Variants in RAP1GAP2 observed in about 807,000 individuals in gnomAD.
The protein encoded by RAP1GAP2 is RAP1 GTPase activating protein 2.
A neutral mutation model predicts 95.0 loss-of-function variants in RAP1GAP2; 27 were observed. That is an observed-to-expected ratio of 0.28 (90% CI 0.21 to 0.39). The LOEUF (loss-of-function observed/expected upper bound fraction) is 0.39, where lower values mean the gene tolerates loss of function less well. Among genes scored for constraint, RAP1GAP2 ranks in the 10% least tolerant of loss-of-function variants. The pLI, the probability that RAP1GAP2 is intolerant of heterozygous loss-of-function variation, is 1.00. For synonymous variants in RAP1GAP2, 373 were observed against 380.9 expected (o/e 0.98, Z 0.24); for missense variants, 771 against 970.0 (o/e 0.79, Z 2.72).
intron 2 of RAP1GAP2, among the ~76,000 whole-genome samples, chr17:2,834,124 AG>A (rs1234814201): frequency 2.0e-5 from 3 of 152,116 alleles, no homozygotes; most frequent in Non-Finnish European, 4.4e-5. Context: ...AGCCCTCCAG[AG>A]GGCTTTACTG....
At chr17:2,921,240 C>T (rs2042759046) in intron 3 of RAP1GAP2, among the ~76,000 whole-genome samples, 1 of 151,872 alleles carries the variant, frequency 6.6e-6, no homozygotes, top group Non-Finnish European at 1.5e-5. Context: ...CACTCTGTCA[C>T]CCAGGCTGAA....
exon 2 of RAP1GAP2, chr17:2,770,346 G>A (rs989756681): frequency 7.5e-6 from 3 of 398,550 alleles, no homozygotes; most frequent in African/African-American, 4.1e-5. Context: ...CAGGAAGGGC[G>A]GTTCCGAATC....
intron 3 of RAP1GAP2, among the ~76,000 whole-genome samples, chr17:2,940,786 C>T (rs1567801931): frequency 1.3e-5 from 2 of 152,210 alleles, no homozygotes; most frequent in South Asian, 2.1e-4. Flanking sequence ...TCGTCTTTCC[C>T]CTGCCTGCTG....
At chr17:2,764,987 C>T (rs11653568) in intron 1 of RAP1GAP2, among the ~76,000 whole-genome samples, 16,703 of 152,046 alleles carry the variant, frequency 0.11, 963 homozygotes, top group African/African-American at 0.14. Context: ...CACTCATGCT[C>T]AGAATAGGAT....
chr17:3,027,447 T>G lies in RAP1GAP2; in HGVS notation c.2107+377T>G, dbSNP rs1406565470. 6.6e-6 allele frequency among the ~76,000 whole-genome samples: 1 copy of G among 151,932 alleles called. No homozygotes were observed. The highest frequency in any genetic ancestry group is 1.5e-5 in the Non-Finnish European group (1 of 67,974). ...GGGCTGCCAGGGCCCGTCTGTCATG[T>G]CGGGGGTCTTGATAATACAAGACGG... On this transcript the variant is annotated intron_variant, in intron 22 of 24. Transcript: ENST00000254695. The surrounding 1 kb of genome is among the most constrained non-coding windows in gnomAD (Gnocchi z 5.2).
At chr17:2,919,381 C>G (rs566516461) in intron 3 of RAP1GAP2, among the ~76,000 whole-genome samples, 1 of 152,186 alleles carries the variant, frequency 6.6e-6, no homozygotes, top group African/African-American at 2.4e-5. Context: ...TAGACTGAGT[C>G]GAGACTTGGA....
Position 3,027,054 on chromosome 17 carries a change from G to C in RAP1GAP2, c.2091G>C (p.Met697Ile). ...GGGCAGCTGCCACCCCGATCATCAT[G>C]AGCCGGAGTCCCACAGGTCAGTGGC... ...SLGAAATPII[M>I]SRSPTDAKSR... The change falls in exon 22 of 25, where the codon ATG becomes ATC. Residue 697 changes from methionine to isoleucine, a missense_variant. Transcript: ENST00000254695. This position sits in a 1 kb window ranked among gnomAD's most constrained non-coding sequence, Gnocchi z 5.2. 4 of 1,579,306 alleles carry C rather than the reference G, an allele frequency of 2.5e-6. No individual in the cohort carries two copies. The highest frequency in any genetic ancestry group is 3.4e-6 in the Non-Finnish European group (4 of 1,162,974).
chr17:2,962,601 G>A, intron 4 of RAP1GAP2, 69 bp from the exon 5 acceptor site: 1 of 1,468,256 alleles, frequency 6.8e-7, no homozygotes, highest in Admixed American at 2.1e-5. Flanking sequence ...GTAAGGCCAG[G>A]TGCTCTTTAT....
intron 3 of RAP1GAP2, among the ~76,000 whole-genome samples, chr17:2,938,706 G>A (rs906963960): frequency 6.6e-5 from 10 of 152,096 alleles, no homozygotes; most frequent in African/African-American, 1.9e-4. Context: ...TAAATATCTG[G>A]CTGGGTGCGG....
rs946142250 is a variant in RAP1GAP2, at chr17:3,004,949, G to A, written c.1201-420G>A. ...TCTGTTCCTCTGCGGCTAATCACCT[G>A]TGGGACTTGGGGGCTTCTCTGTGTG... On this transcript the variant is annotated intron_variant, in intron 14 of 24. Transcript: ENST00000254695. The surrounding 1 kb of genome is among the most constrained non-coding windows in gnomAD (Gnocchi z 4.1). 1.3e-5 allele frequency among the ~76,000 whole-genome samples: 2 copies of A among 152,192 alleles called. No homozygotes were observed. The highest frequency in any genetic ancestry group is 4.8e-5 in the African/African-American group (2 of 41,448).
At chr17:2,840,135 G>T (rs2071307684) in intron 2 of RAP1GAP2, among the ~76,000 whole-genome samples, 1 of 151,884 alleles carries the variant, frequency 6.6e-6, no homozygotes, top group Non-Finnish European at 1.5e-5. Flanking sequence ...TGTCTCCATT[G>T]TAAAGTTATT....
At chr17:2,975,219 A>G (rs2045059023) in intron 8 of RAP1GAP2, among the ~76,000 whole-genome samples, 1 of 151,478 alleles carries the variant, frequency 6.6e-6, no homozygotes, top group Non-Finnish European at 1.5e-5. Context: ...TGACAGAGCA[A>G]GACTGCGTCT....
intron 1 of RAP1GAP2, among the ~76,000 whole-genome samples, chr17:2,768,534 A>ATTAGCTGGGCATGCCC (rs1321947983): frequency 6.6e-6 from 1 of 152,038 alleles, no homozygotes; most frequent in Non-Finnish European, 1.5e-5. Flanking sequence ...TCTACTAAAA[A>ATTAGCTGGGCATGCCC]TACAAAAATT....
rs1016277894 is a variant in RAP1GAP2, at chr17:2,965,372, C to T, written c.493-168C>T. The T allele has an allele frequency of 1.6e-6, 1 of 618,100 alleles. No individual in the cohort carries two copies. The highest frequency in any genetic ancestry group is 2.9e-6 in the Non-Finnish European group (1 of 349,716). The allele number at this position is 618,100 out of a possible 1,614,324, so 38.3% of individuals were successfully genotyped here. A position where few individuals can be genotyped will look rare whatever the true frequency, so the allele number is the denominator to read the frequency against. ...CCCCTGGCACGGTGCCTGGCGCCTC[C>T]TGAGGATCCGGCCGTCGGTACCTGT... is the stretch of plus-strand genomic sequence containing the variant. On this transcript the variant is annotated intron_variant, in intron 7 of 24. Coordinates refer to ENST00000254695, the MANE Select transcript of RAP1GAP2 (RefSeq NM_015085.5). This position sits in a 1 kb window ranked among gnomAD's most constrained non-coding sequence, Gnocchi z 4.7.
intron 2 of RAP1GAP2, among the ~76,000 whole-genome samples, chr17:2,771,921 G>T (rs1244899590): frequency 6.6e-6 from 1 of 152,118 alleles, no homozygotes; most frequent in African/African-American, 2.4e-5. Flanking sequence ...TTAAGAAATA[G>T]AGTCTCACTG....
intron 2 of RAP1GAP2, among the ~76,000 whole-genome samples, chr17:2,771,215 C>T (rs571423208): frequency 6.6e-6 from 1 of 152,260 alleles, no homozygotes; most frequent in Non-Finnish European, 1.5e-5. Context: ...CCAGCCGTGC[C>T]TTCTTTGTCC....
chr17:2,966,380 CTG>C (rs1415645403), intron 8 of RAP1GAP2, among the ~76,000 whole-genome samples: 2 of 152,186 alleles, frequency 1.3e-5, no homozygotes, highest in Non-Finnish European at 2.9e-5. Flanking sequence ...ACGAAGGAAT[CTG>C]TGTCTTATTT....
At chr17:3,007,618 C>T (rs1159975042) in intron 16 of RAP1GAP2, among the ~76,000 whole-genome samples, 1 of 152,154 alleles carries the variant, frequency 6.6e-6, no homozygotes, top group Non-Finnish European at 1.5e-5. Flanking sequence ...GTGTGAATAG[C>T]GGCCCCTGGC....
intron 3 of RAP1GAP2, among the ~76,000 whole-genome samples, chr17:2,930,510 C>CT (rs1192779340): frequency 6.6e-6 from 1 of 152,246 alleles, no homozygotes; most frequent in African/African-American, 2.4e-5. Context: ...GCATTTCCTA[C>CT]TTCGCAGGCT....
Sources: gnomAD v4.1 joint callset for allele counts (sites outside exome capture counted in the v4.1 genomes callset) on GRCh38, gnomAD v4.1.1 for gene constraint, Gnocchi (gnomAD v3.1) non-coding constraint, MANE v1.5 for transcripts, NCBI Gene and HGNC (gene_info 2026-07-23, HGNC 2026-07-21) for gene names.